NFATC1: variants seen among roughly 807,000 people sequenced by gnomAD.
NFATC1 encodes nuclear factor of activated T cells 1, also known as nuclear factor of activated T-cells, cytoplasmic 1.
Under a neutral mutation model 76.0 loss-of-function variants are expected in NFATC1, and 22 were observed. The ratio of observed to expected loss-of-function variants is 0.29; its 90% CI spans 0.21 to 0.41. The LOEUF (loss-of-function observed/expected upper bound fraction) is 0.41, where lower values mean the gene tolerates loss of function less well. Among genes scored for constraint, NFATC1 ranks in the 10% least tolerant of loss-of-function variants. The pLI is 1.00. For synonymous variants in NFATC1, 704 were observed against 613.1 expected (o/e 1.15, Z -2.19); for missense variants, 1,357 against 1,337.7 (o/e 1.01, Z -0.23).
intron 2 of NFATC1, among the ~76,000 whole-genome samples, chr18:79,423,799 C>G (rs2086185060): frequency 6.6e-6 from 1 of 152,340 alleles, no homozygotes; most frequent in African/African-American, 2.4e-5. Flanking sequence ...CTCCTCTGGG[C>G]CGCCTTCCCT....
At chr18:79,490,786 G>T (rs1268856875) in intron 9 of NFATC1, among the ~76,000 whole-genome samples, 1 of 152,148 alleles carries the variant, frequency 6.6e-6, no homozygotes, top group Non-Finnish European at 1.5e-5. Flanking sequence ...CCGGGTCAGG[G>T]TTGAGTCTGG....
intron 1 of NFATC1, among the ~76,000 whole-genome samples, chr18:79,404,687 A>C (rs1363682884): frequency 1.3e-5 from 2 of 152,166 alleles, no homozygotes; most frequent in Admixed American, 1.3e-4. Context: ...AAGATGAGAG[A>C]TCTGGCTGTG....
At chr18:79,481,351 C>T (rs1228662628) in intron 8 of NFATC1, among the ~76,000 whole-genome samples, 1 of 152,256 alleles carries the variant, frequency 6.6e-6, no homozygotes, top group Non-Finnish European at 1.5e-5. Context: ...GAGCCCCACC[C>T]TCCACGGACA....
At chr18:79,509,051 G>A (rs1427304462) in intron 9 of NFATC1, among the ~76,000 whole-genome samples, 4 of 152,180 alleles carry the variant, frequency 2.6e-5, no homozygotes, top group East Asian at 1.9e-4. Context: ...TGTCCTGTAC[G>A]GAGAAAGCGG....
chr18:79,508,617 C>T (rs1194565286), intron 9 of NFATC1, among the ~76,000 whole-genome samples: 5 of 152,022 alleles, frequency 3.3e-5, no homozygotes, highest in Non-Finnish European at 5.9e-5. Context: ...GTATCTCTAT[C>T]CCTCTCTCTG....
Position 79,411,016 on chromosome 18 carries a change from TGAG to T in NFATC1, c.745_747del (p.Glu249del). On this transcript the variant is annotated inframe_deletion, in exon 2 of 10. Transcript: ENST00000427363. The stretch of plus-strand genomic sequence containing the variant: ...CCACCTCGCCCCGCGCCAGCGTCAC[TGAG>T]GAGAGCTGGCTGGGTGCCCGCTCCT... 6 of 1,611,528 alleles carry T rather than the reference TGAG, an allele frequency of 3.7e-6. No homozygotes were observed. The highest frequency in any genetic ancestry group is 5.1e-6 in the Non-Finnish European group (6 of 1,179,466).
At chr18:79,527,343 C>T (rs1472428324) in intron 9 of NFATC1, 185 bp from the exon 10 acceptor site, 8 of 575,696 alleles carry the variant, frequency 1.4e-5, no homozygotes, top group Middle Eastern at 4.2e-4. Flanking sequence ...AGCTCTCTGC[C>T]GAGGCAGCCA....
At chr18:79,467,843 A>T (rs1022989465) in intron 8 of NFATC1, 3 of 1,182,420 alleles carry the variant, frequency 2.5e-6, no homozygotes, top group Non-Finnish European at 2.1e-6. Flanking sequence ...GCTTCTTGCG[A>T]ATGTATAACA....
chr18:79,469,298 A>G (rs1316799461), intron 8 of NFATC1: 2 of 984,588 alleles, frequency 2.0e-6, no homozygotes, highest in Non-Finnish European at 2.4e-6. Context: ...AGAGCAGTGC[A>G]TTAATTTTTT....
chr18:79,422,605 T>TG (rs1162399768), intron 2 of NFATC1: 1 of 152,202 alleles, frequency 6.6e-6, no homozygotes, highest in Non-Finnish European at 1.5e-5. Context: ...GTGTACGGCA[T>TG]GGGGCCTGCT....
At chr18:79,482,494 T>G (rs1425911771) in intron 8 of NFATC1, among the ~76,000 whole-genome samples, 31 of 87,532 alleles carry the variant, frequency 3.5e-4, no homozygotes, top group Admixed American at 1.0e-3. Context: ...GCATGAGCTG[T>G]TTCCTGGGGT....
intron 1 of NFATC1, chr18:79,400,417 TC>T (rs2085161385): frequency 6.7e-7 from 1 of 1,494,870 alleles, no homozygotes; most frequent in Non-Finnish European, 8.9e-7. Flanking sequence ...GACCAGGAGT[TC>T]GACTTCGAGT....
At chr18:79,510,910 A>G (rs937669515) in intron 9 of NFATC1, among the ~76,000 whole-genome samples, 3 of 150,892 alleles carry the variant, frequency 2.0e-5, no homozygotes, top group South Asian at 4.2e-4. Context: ...GACATCCTCC[A>G]CCGGGGGCTC....
intron 9 of NFATC1, 127 bp downstream of exon 9, chr18:79,487,064 G>T: frequency 9.0e-7 from 1 of 1,116,178 alleles, no homozygotes; most frequent in Non-Finnish European, 1.2e-6. Flanking sequence ...GCAGGGTGTG[G>T]GGTGCGTCCT....
rs560755740 is a variant in NFATC1 at position 79,403,431 on chromosome 18, G to T, written c.128-6972G>T. ...GTGTCCACCCAGGAGCAGGCCCCGG[G>T]CTTCCCTCTGCAGAGAGGAGGTCCC... is the stretch of plus-strand genomic sequence containing the variant. On this transcript the variant is annotated intron_variant, in intron 1 of 9. Transcript: ENST00000427363. 1.5e-4 allele frequency among the ~76,000 whole-genome samples: 23 copies of T among 152,364 alleles called. 1 individual carries two copies. The East Asian group carries it at 4.0e-3, about 27-fold the overall frequency.
intron 9 of NFATC1, among the ~76,000 whole-genome samples, chr18:79,491,322 G>A (rs1002293110): frequency 2.0e-5 from 3 of 152,148 alleles, no homozygotes; most frequent in Admixed American, 6.5e-5. Flanking sequence ...TGGAGAAGGA[G>A]CAGAGACGAG....
intron 8 of NFATC1, 118 bp downstream of exon 8, chr18:79,467,700 A>G: frequency 6.7e-7 from 1 of 1,482,932 alleles, no homozygotes; most frequent in Non-Finnish European, 9.0e-7. Flanking sequence ...TAACTGTGTG[A>G]TGTCCCGTTA....
intron 2 of NFATC1, among the ~76,000 whole-genome samples, chr18:79,424,628 CGTCT>C (rs1025705054): frequency 2.5e-5 from 3 of 120,150 alleles, no homozygotes; most frequent in Non-Finnish European, 3.5e-5. Context: ...TCTGTCTCTC[CGTCT>C]GTCTCTCTGT....
chr18:79,414,671 G>C (rs375779042), intron 2 of NFATC1, among the ~76,000 whole-genome samples: 1 of 152,170 alleles, frequency 6.6e-6, no homozygotes. Flanking sequence ...AGCTTGGGGG[G>C]ACTGGCACAG....
Sources: allele counts gnomAD v4.1 joint callset (sites outside exome capture counted in the v4.1 genomes callset), GRCh38; gene constraint gnomAD v4.1.1; transcripts MANE v1.5; gene names NCBI Gene and HGNC (gene_info 2026-07-23, HGNC 2026-07-21).